The following PALLD variants were observed in gnomAD, a reference collection of about 807,000 sequenced individuals.
PALLD encodes the protein palladin.
Under a neutral mutation model 123.5 loss-of-function variants are expected in PALLD, and 61 were observed. The observed-to-expected ratio is 0.49, with a 90% confidence interval of 0.40 to 0.61. PALLD has a LOEUF of 0.61. Among genes scored for constraint, PALLD ranks in the 20% least tolerant of loss-of-function variants. The pLI is 0.00. For missense variants in PALLD, 1,273 were observed against 1,377.0 expected (o/e 0.92, Z 1.20); for synonymous variants, 465 against 496.4 (o/e 0.94, Z 0.84).
intron 10 of PALLD, chr4:168,877,632 C>T (rs754980937): frequency 4.8e-6 from 3 of 629,856 alleles, no homozygotes; most frequent in Admixed American, 5.6e-5. Flanking sequence ...GGCCTAAGTG[C>T]CAAGCGATGT....
At position 168,691,311 on chromosome 4, in the gene PALLD, T is replaced by G. The variant is rs754260166; in HGVS notation, c.1501+19T>G. Reference sequence around the variant, plus strand: ...GAACCTGGTAAGAATATTTTTAGGGTTTTTTTTTTTGGTGGTGGGGGAGCA... The same window carrying G: ...GAACCTGGTAAGAATATTTTTAGGGGTTTTTTTTTTGGTGGTGGGGGAGCA... On this transcript the variant is annotated intron_variant, in intron 8 of 21. Transcript: ENST00000505667. The G allele has an allele frequency of 2.6e-5, 22 of 854,846 alleles. No individual in the cohort carries two copies. Among genetic ancestry groups the G allele is most frequent in the Non-Finnish European group, 3.4e-5 (21 of 619,354 alleles). 53.0% of individuals were successfully genotyped at this position (854,846 alleles called of 1,614,324 possible).
At chr4:168,761,973 C>T (rs548424207) in intron 10 of PALLD, among the ~76,000 whole-genome samples, 32 of 152,084 alleles carry the variant, frequency 2.1e-4, no homozygotes, top group African/African-American at 7.7e-4. Flanking sequence ...TCTTATTTCC[C>T]TGTGGTTTTC....
intron 2 of PALLD, among the ~76,000 whole-genome samples, chr4:168,534,962 GA>G (rs1308534836): frequency 1.3e-5 from 2 of 151,402 alleles, no homozygotes; most frequent in South Asian, 2.1e-4. Context: ...GAAAATATTT[GA>G]AAAAAAATGG....
intron 2 of PALLD, among the ~76,000 whole-genome samples, chr4:168,591,021 G>A (rs1022164154): frequency 6.6e-5 from 10 of 151,540 alleles, no homozygotes; most frequent in East Asian, 2.0e-4. Flanking sequence ...CTGGGATTAC[G>A]GGCCTGTGCC....
At chr4:168,811,764 T>TCA (rs1278315638) in intron 10 of PALLD, among the ~76,000 whole-genome samples, 2 of 99,972 alleles carry the variant, frequency 2.0e-5, no homozygotes, top group African/African-American at 8.5e-5. Context: ...TCTTTCTCTC[T>TCA]CTCTCTCTCT....
chr4:168,677,316 C>T (rs1158409565), intron 3 of PALLD, among the ~76,000 whole-genome samples: 1 of 152,010 alleles, frequency 6.6e-6, no homozygotes, highest in African/African-American at 2.4e-5. Flanking sequence ...CTGCCCCCGT[C>T]TCCAAGAGCT....
At chr4:168,497,484 A>G (rs1457070043) in intron 1 of PALLD, among the ~76,000 whole-genome samples, 1 of 152,166 alleles carries the variant, frequency 6.6e-6, no homozygotes, top group Non-Finnish European at 1.5e-5. Context: ...TTCCAAAAGG[A>G]TTAAATGTAT....
intron 10 of PALLD, among the ~76,000 whole-genome samples, chr4:168,761,712 AT>A (rs1157242931): frequency 7.9e-6 from 1 of 125,802 alleles, no homozygotes; most frequent in Non-Finnish European, 1.6e-5. Context: ...GGGTTTCACC[AT>A]GTTTCCGCGG....
At chr4:168,894,118 C>A (rs1754614545) in intron 11 of PALLD, 2 of 195,748 alleles carry the variant, frequency 1.0e-5, no homozygotes, top group Admixed American at 5.4e-5. Flanking sequence ...ATTAGCGATA[C>A]CTGTTCTTTT....
intron 2 of PALLD, among the ~76,000 whole-genome samples, chr4:168,649,074 C>T (rs889067498): frequency 2.6e-5 from 4 of 152,232 alleles, no homozygotes; most frequent in African/African-American, 9.6e-5. Context: ...GTTCTTGGGA[C>T]TTTGACTCAG....
intron 2 of PALLD, among the ~76,000 whole-genome samples, chr4:168,575,051 A>G (rs1769405723): frequency 6.6e-6 from 1 of 152,116 alleles, no homozygotes. Context: ...ATGCTTCTTA[A>G]TCACCATGAC....
rs115559194 is a variant in PALLD at position 168,737,928 on chromosome 4, C to A, written c.1964+26005C>A. Among the ~76,000 whole-genome samples the A allele has an allele frequency of 2.9e-3, 442 of 152,344 alleles. 2 individuals are homozygous for A. The highest frequency in any genetic ancestry group is 0.01 in the African/African-American group (429 of 41,590). ...ACACGCATAGCATGCTGACCAGAGACAGCAGCAGCTGTGAGGCTCATCTGT... is the reference window on the plus strand; with the variant it reads ...ACACGCATAGCATGCTGACCAGAGAAAGCAGCAGCTGTGAGGCTCATCTGT... On this transcript the variant is annotated intron_variant, in intron 10 of 21. Coordinates refer to ENST00000505667, the MANE Select transcript of PALLD (RefSeq NM_001166108.2).
At chr4:168,885,054 A>C (rs1004942167) in intron 10 of PALLD, among the ~76,000 whole-genome samples, 1 of 152,246 alleles carries the variant, frequency 6.6e-6, no homozygotes, top group African/African-American at 2.4e-5. Context: ...AAACAAAAAA[A>C]CAGGTTATCA....
chr4:168,719,389 C>G (rs940918837), intron 10 of PALLD, among the ~76,000 whole-genome samples: 1 of 150,076 alleles, frequency 6.7e-6, no homozygotes, highest in Non-Finnish European at 1.5e-5. Context: ...TCCCAAGTAG[C>G]TGGAATTACA....
At chr4:168,874,570 A>G in intron 10 of PALLD, among the ~76,000 whole-genome samples, 1 of 152,234 alleles carries the variant, frequency 6.6e-6, no homozygotes, top group East Asian at 1.9e-4. Context: ...GATGATTCAG[A>G]TCCTAAAGGC....
At chr4:168,754,322 A>G (rs1731476482) in intron 10 of PALLD, among the ~76,000 whole-genome samples, 1 of 152,202 alleles carries the variant, frequency 6.6e-6, no homozygotes, top group African/African-American at 2.4e-5. Context: ...ATGATTATAT[A>G]TGAGTATACC....
At chr4:168,527,642 A>ATCAT (rs1764199732) in intron 2 of PALLD, among the ~76,000 whole-genome samples, 1 of 152,068 alleles carries the variant, frequency 6.6e-6, no homozygotes, top group Non-Finnish European at 1.5e-5. Context: ...AAATATGAGG[A>ATCAT]TCATAAGTCT....
intron 10 of PALLD, among the ~76,000 whole-genome samples, chr4:168,846,741 C>T (rs1020497909): frequency 6.6e-6 from 1 of 152,186 alleles, no homozygotes; most frequent in Non-Finnish European, 1.5e-5. Flanking sequence ...AAAGGGCTTT[C>T]TGAAAAGCTG....
At chr4:168,770,268 T>C (rs184639727) in intron 10 of PALLD, among the ~76,000 whole-genome samples, 17 of 152,342 alleles carry the variant, frequency 1.1e-4, no homozygotes, top group Non-Finnish European at 1.9e-4. Context: ...ACTTTAAATG[T>C]TGGATTGCTG....
Sources: gnomAD v4.1 joint callset for allele counts (sites outside exome capture counted in the v4.1 genomes callset) on GRCh38, gnomAD v4.1.1 for gene constraint, MANE v1.5 for transcripts, NCBI Gene and HGNC (gene_info 2026-07-23, HGNC 2026-07-21) for gene names.